The following DPH6 variants were observed in gnomAD, a reference collection of about 807,000 sequenced individuals.
DPH6 encodes the protein diphthine--ammonia ligase.
Under a neutral mutation model 38.2 loss-of-function variants are expected in DPH6, and 33 were observed. The observed-to-expected ratio is 0.86, with a 90% CI of 0.65 to 1.15. DPH6 has a LOEUF of 1.15. Among genes scored for constraint, DPH6 ranks in the 50% most tolerant of loss-of-function variants. The pLI, the probability that DPH6 is intolerant of heterozygous loss-of-function variation, is 0.00. For synonymous variants in DPH6, 108 were observed against 103.0 expected (o/e 1.05, Z -0.30); for missense variants, 325 against 320.0 (o/e 1.02, Z -0.12).
chr15:35,359,252 A>T (rs553795288), intron 3 of DPH6, among the ~76,000 whole-genome samples: 51 of 151,914 alleles, frequency 3.4e-4, no homozygotes, highest in Non-Finnish European at 5.7e-4. Flanking sequence ...CACCCCCCAG[A>T]CTGTTTCTAG....
At chr15:35,299,011 ACT>A in intron 3 of DPH6, 1 of 730,880 alleles carries the variant, frequency 1.4e-6, no homozygotes, top group Admixed American at 1.9e-5. Flanking sequence ...CTCCTTGAAA[ACT>A]CACGTGCATC....
intron 5 of DPH6, among the ~76,000 whole-genome samples, chr15:35,446,096 T>A (rs1385466638): frequency 9.9e-5 from 15 of 152,208 alleles, no homozygotes; most frequent in African/African-American, 3.6e-4. Context: ...TGATGTTCTG[T>A]AGATCAAGAT....
Position 35,432,147 on chromosome 15 carries a change from T to C in DPH6, c.505+18538A>G, listed in dbSNP as rs190973929. On this transcript the variant is annotated intron_variant, in intron 5 of 8. Coordinates refer to ENST00000256538, the MANE Select transcript of DPH6 (RefSeq NM_080650.4). ...GCTATAAAGGTGGATGAAGAAAATATGGATAAGAGTCTTCCAGATAAACAT... is the reference window on the plus strand; with the variant it reads ...GCTATAAAGGTGGATGAAGAAAATACGGATAAGAGTCTTCCAGATAAACAT... Among the ~76,000 whole-genome samples, 21 of 152,274 alleles carry C rather than the reference T, an allele frequency of 1.4e-4. No homozygotes were observed. In the East Asian group the frequency reaches 3.5e-3, roughly 25 times the overall value.
intron 3 of DPH6, among the ~76,000 whole-genome samples, chr15:35,459,866 A>T (rs563762092): frequency 2.0e-5 from 3 of 152,224 alleles, no homozygotes; most frequent in Admixed American, 2.0e-4. Flanking sequence ...ATGCACTAAG[A>T]TTTATGTTAG....
chr15:35,520,227 AAAC>A (rs1375010638), intron 3 of DPH6: 8,959 of 667,566 alleles, frequency 0.013, 115 homozygotes, highest in African/African-American at 0.081. Flanking sequence ...CTACAAAAAA[AAAC>A]AAAAAAAAAA....
In DPH6 at chr15:35,285,872, G is replaced by GTTGTTTTTTTT. The variant is rs1555391170; in HGVS notation, n.201-65291_201-65290insAAAAAAAACAA. ...GACTCAATTATCATTTTATCTTTGA[G>GTTGTTTTTTTT]TTTTTTTTTTTTTTTTTACCTGAGA... On this transcript the variant is annotated intron_variant and non_coding_transcript_variant, in intron 3 of 3. Coordinates refer to the DPH6 transcript ENST00000560386. Among the ~76,000 whole-genome samples, 18 of 52,816 alleles carry GTTGTTTTTTTT rather than the reference G, an allele frequency of 3.4e-4. 2 individuals carry two copies. Among genetic ancestry groups the GTTGTTTTTTTT allele is most frequent in the African/African-American group, 1.3e-3 (17 of 13,422 alleles). 34.6% of individuals were successfully genotyped at this position (52,816 alleles called of 152,430 possible). A position where few individuals can be genotyped will look rare whatever the true frequency, so the allele number is the denominator to read the frequency against.
At chr15:35,391,997 A>C (rs1178783052) in intron 6 of DPH6, among the ~76,000 whole-genome samples, 1 of 146,660 alleles carries the variant, frequency 6.8e-6, no homozygotes, top group African/African-American at 2.6e-5. Flanking sequence ...CTGCAATCTC[A>C]CATATAGCTA....
At position 35,342,487 on chromosome 15, in the gene DPH6, T is replaced by C. The variant is rs186776552; in HGVS notation, n.208-11410A>G. 6.5e-4 allele frequency among the ~76,000 whole-genome samples: 99 copies of C among 152,268 alleles called. 1 individual carries two copies. The highest frequency in any genetic ancestry group is 2.3e-3 in the African/African-American group (96 of 41,552). On this transcript the variant is annotated intron_variant and non_coding_transcript_variant, in intron 3 of 3. Transcript: ENST00000558973. Reference sequence around the variant, plus strand: ...CCTGCTTTTCTTCTTTCTCCGTAGGTTGAGTTGTTTTCTTAGTCAGTCCCA... The same window carrying C: ...CCTGCTTTTCTTCTTTCTCCGTAGGCTGAGTTGTTTTCTTAGTCAGTCCCA...
At chr15:35,176,828 C>G in the DPH6 span, among the ~76,000 whole-genome samples, 1 of 152,140 alleles carries the variant, frequency 6.6e-6, no homozygotes, top group African/African-American at 2.4e-5. Flanking sequence ...CTTAATTGCA[C>G]AAAACTGTCT....
intron 3 of DPH6, among the ~76,000 whole-genome samples, chr15:35,279,068 A>AAAAAAAT (rs1555390826): frequency 2.9e-5 from 3 of 102,992 alleles, no homozygotes; most frequent in African/African-American, 1.5e-4. Context: ...AAAAAAAAAA[A>AAAAAAAT]ATATATATAT....
At chr15:35,209,578 T>C in the DPH6 span, among the ~76,000 whole-genome samples, 1 of 152,102 alleles carries the variant, frequency 6.6e-6, no homozygotes, top group Admixed American at 6.6e-5. Flanking sequence ...ATCAGAAAAA[T>C]TGCCTCCCTC....
the DPH6 span, among the ~76,000 whole-genome samples, chr15:35,172,765 C>T: frequency 0.17 from 26,455 of 152,148 alleles, 2,679 homozygotes; most frequent in East Asian, 0.37. Flanking sequence ...AATCATAGTG[C>T]ACTGTAGTCT....
chr15:35,516,359 T>C (rs536269769), intron 3 of DPH6, among the ~76,000 whole-genome samples: 136 of 152,064 alleles, frequency 8.9e-4, no homozygotes, highest in Admixed American at 1.6e-3. Flanking sequence ...AAGTATGTAA[T>C]AGTTAATATT....
intron 6 of DPH6, among the ~76,000 whole-genome samples, chr15:35,389,960 G>GT (rs999421687): frequency 2.0e-5 from 3 of 152,200 alleles, no homozygotes; most frequent in Non-Finnish European, 4.4e-5. Flanking sequence ...AATTTGTCAT[G>GT]TTTTTGCAGT....
intron 3 of DPH6, among the ~76,000 whole-genome samples, chr15:35,241,478 AAC>A (rs1213053057): frequency 7.0e-6 from 1 of 142,932 alleles, no homozygotes; most frequent in Non-Finnish European, 1.5e-5. Flanking sequence ...CAACTTAGAC[AAC>A]ACTCTTTTAT....
chr15:35,534,105 C>T lies in DPH6; in HGVS notation c.312+4169G>A, dbSNP rs368178847. On this transcript the variant is annotated intron_variant, in intron 3 of 8. Transcript: ENST00000256538. Reference sequence around the variant, plus strand: ...AGAAAACACCAATATTGGCCAGGAGCGGTGGCTCATGCCTGTAATCCCAAC... The same window carrying T: ...AGAAAACACCAATATTGGCCAGGAGTGGTGGCTCATGCCTGTAATCCCAAC... 2.4e-4 allele frequency among the ~76,000 whole-genome samples: 36 copies of T among 151,954 alleles called. No homozygotes were observed. The South Asian group carries it at 3.5e-3, about 15-fold the overall frequency.
intron 3 of DPH6, among the ~76,000 whole-genome samples, chr15:35,356,622 C>T (rs1261378561): frequency 6.6e-6 from 1 of 152,174 alleles, no homozygotes; most frequent in African/African-American, 2.4e-5. Context: ...GCAAATGTTG[C>T]TGCCTGATCA....
chr15:35,225,298 G>A (rs2051473102), intron 3 of DPH6, among the ~76,000 whole-genome samples: 1 of 152,180 alleles, frequency 6.6e-6, no homozygotes, highest in African/African-American at 2.4e-5. Context: ...TACTGGTGAT[G>A]TTAATCTTGA....
intron 3 of DPH6, among the ~76,000 whole-genome samples, chr15:35,536,608 C>G (rs761528279): frequency 1.1e-4 from 17 of 151,936 alleles, no homozygotes; most frequent in Non-Finnish European, 2.1e-4. Flanking sequence ...TATTATCTCT[C>G]TTTCTTGGAG....
Sources: allele counts gnomAD v4.1 joint callset (sites outside exome capture counted in the v4.1 genomes callset), GRCh38; gene constraint gnomAD v4.1.1; transcripts MANE v1.5; gene names NCBI Gene and HGNC (gene_info 2026-07-23, HGNC 2026-07-21).